The following PREX2 variants were observed in gnomAD, a reference collection of about 807,000 sequenced individuals.
PREX2 encodes phosphatidylinositol-3,4,5-trisphosphate dependent Rac exchange factor 2, also known as phosphatidylinositol 3,4,5-trisphosphate-dependent Rac exchanger 2 protein.
PREX2 carries 107 observed loss-of-function variants against 203.2 expected under a neutral mutation model. The observed-to-expected ratio is 0.53, with a 90% CI of 0.45 to 0.62. The LOEUF (loss-of-function observed/expected upper bound fraction) is 0.62, where lower values mean the gene tolerates loss of function less well. PREX2 is among the 20% of genes least tolerant of loss of function. The pLI is 0.00. For missense variants in PREX2, 1,777 were observed against 1,955.9 expected (o/e 0.91, Z 1.72); for synonymous variants, 672 against 663.6 (o/e 1.01, Z -0.19).
chr8:68,224,609 T>G lies in PREX2; in HGVS notation c.4758T>G (p.Thr1586=). 6.2e-7 allele frequency: 1 copy of G among 1,613,336 alleles called. No individual in the cohort carries two copies. Among genetic ancestry groups the G allele is most frequent in the Non-Finnish European group, 8.5e-7 (1 of 1,179,598 alleles). Reference sequence around the variant, plus strand: ...AGAATTTGGGAGTCAGAGACCGGACTCCACAGTCTGCACCAAGGTAAGTGC... The same window carrying G: ...AGAATTTGGGAGTCAGAGACCGGACGCCACAGTCTGCACCAAGGTAAGTGC... ...TAKNLGVRDR[T]PQSAPRLYKL... Residue 1586 remains threonine, a synonymous_variant, in exon 39 of 40, where the codon ACT becomes ACG. Coordinates refer to ENST00000288368, the MANE Select transcript of PREX2 (RefSeq NM_024870.4).
At position 68,191,754 on chromosome 8, in the gene PREX2, C is replaced by T; in HGVS notation, c.4379C>T (p.Pro1460Leu). The change falls in exon 36 of 40, where the codon CCA becomes CTA. Residue 1460 changes from proline (P) to leucine (L), a missense_variant. Transcript: ENST00000288368. ...AFYLDKSNSP[P>L]NSTSKAAYVD... Reference sequence around the variant, plus strand: ...TACTTGGACAAGTCAAATTCACCACCAAACTCCACATCCAAAGCTGCCTAT... The same window carrying T: ...TACTTGGACAAGTCAAATTCACCACTAAACTCCACATCCAAAGCTGCCTAT... The T allele has an allele frequency of 8.7e-6, 14 of 1,610,350 alleles. No individual in the cohort carries two copies. Among genetic ancestry groups the T allele is most frequent in the Non-Finnish European group, 1.2e-5 (14 of 1,176,774 alleles).
At chr8:68,108,416 A>G in intron 24 of PREX2, 85 bp downstream of exon 24, 1 of 870,162 alleles carries the variant, frequency 1.1e-6, no homozygotes, top group South Asian at 1.7e-5. Flanking sequence ...AATTCAATAG[A>G]TACCTGGTGT....
chr8:68,134,957 C>A (rs1335805522), intron 32 of PREX2, among the ~76,000 whole-genome samples: 1 of 152,102 alleles, frequency 6.6e-6, no homozygotes, highest in Admixed American at 6.5e-5. Context: ...TGTTTAAAAG[C>A]AAATGTGTTC....
intron 8 of PREX2, among the ~76,000 whole-genome samples, chr8:68,047,579 G>A (rs1563517070): frequency 6.7e-6 from 1 of 148,674 alleles, no homozygotes; most frequent in Non-Finnish European, 1.5e-5. Context: ...TTGAGATGGG[G>A]TGGTGGTGAG....
In PREX2 at chr8:68,235,475, A is replaced by G. The variant is rs1813248797; in HGVS notation, c.*4097A>G. ...ATATATATACTAACCAATTTGCTAA[A>G]TGAATTGTCGGTTGTCCTGCTTAAG... On this transcript the variant is annotated 3_prime_UTR_variant, in exon 40 of 40. Coordinates refer to ENST00000288368, the MANE Select transcript of PREX2 (RefSeq NM_024870.4). The G allele has an allele frequency of 6.6e-6, 1 of 152,168 alleles. No individual in the cohort carries two copies. The allele number at this position is 152,168 out of a possible 1,614,324, so 9.4% of individuals were successfully genotyped here. A position where few individuals can be genotyped will look rare whatever the true frequency, so the allele number is the denominator to read the frequency against.
At chr8:67,980,559 A>C (rs752665537) in intron 1 of PREX2, among the ~76,000 whole-genome samples, 1 of 152,226 alleles carries the variant, frequency 6.6e-6, no homozygotes, top group African/African-American at 2.4e-5. Context: ...GGGAACCTCC[A>C]TTAGAGTACT....
chr8:68,164,886 C>CTTT (rs71554623), intron 35 of PREX2, among the ~76,000 whole-genome samples: 34,578 of 133,640 alleles, frequency 0.26, 4,725 homozygotes, highest in African/African-American at 0.27. Context: ...CCGGCCAAAC[C>CTTT]TTTTTTTTTT....
chr8:68,047,476 T>TATATATATATATATACAC (rs1808389868), intron 8 of PREX2, among the ~76,000 whole-genome samples: 1 of 11,234 alleles, frequency 8.9e-5, no homozygotes, highest in African/African-American at 6.8e-4. Context: ...AATTTATATA[T>TATATATATATATATACAC]ATATATATAT....
rs781779558 is a variant in PREX2 at position 68,108,138 on chromosome 8, G to A, written c.2745G>A (p.Trp915Ter). The part of the protein sequence containing the change: ...KFSRVLKNRA[W>*]PTFKQAKSKI... ...CTCGTGTACTGAAGAATAGGGCCTG[G>A]CCTACTTTTAAACAGGCCAAATCTA... Residue 915 changes from tryptophan (W) to a stop codon, truncating the protein, a stop_gained, in exon 24 of 40, where the codon TGG (tryptophan) becomes TGA (stop). Transcript: ENST00000288368. LOFTEE classifies it high-confidence loss of function. The A allele has an allele frequency of 6.2e-7, 1 of 1,613,644 alleles. No homozygotes were observed. The highest frequency in any genetic ancestry group is 8.5e-7 in the Non-Finnish European group (1 of 1,179,784).
intron 1 of PREX2, among the ~76,000 whole-genome samples, chr8:67,963,285 G>A (rs1178959502): frequency 6.6e-6 from 1 of 152,120 alleles, no homozygotes; most frequent in African/African-American, 2.4e-5. Flanking sequence ...TTTAGAACAT[G>A]AAATGGAAGG....
rs183013697 is a variant in PREX2, at chr8:68,097,264, C to T, written c.2553+63C>T. 11 of 1,341,678 alleles carry T rather than the reference C, an allele frequency of 8.2e-6. 1 individual carries two copies. The East Asian group carries it at 2.4e-4, about 29-fold the overall frequency. The allele number at this position is 1,341,678 out of a possible 1,614,324, so 83.1% of individuals were successfully genotyped here. On this transcript the variant is annotated intron_variant, in intron 22 of 39. Transcript: ENST00000288368. The stretch of plus-strand genomic sequence containing the variant: ...AAATAAAGGAACTGAAATCCTCCCT[C>T]TCCTTCACTTAAAAAAATAAAAATA...
At position 68,090,710 on chromosome 8, in the gene PREX2, A is replaced by G. The variant is rs1485236786; in HGVS notation, c.2245A>G (p.Thr749Ala). 5.0e-6 allele frequency: 8 copies of G among 1,613,018 alleles called. No homozygotes were observed. The highest frequency in any genetic ancestry group is 4.0e-5 in the African/African-American group (3 of 74,912). ...AGCCTGCAGGAAGTACAGGCGGCCA[A>G]CGAAGGTAAGTGGCCCTTCAGATAA... ...VTACRKYRRPTKQDSIQWVYN... is the reference protein window; with the variant it reads ...VTACRKYRRPAKQDSIQWVYN... The change falls in exon 20 of 40, where the codon ACG becomes GCG. Residue 749 changes from threonine (T) to alanine (A), a missense_variant. Thr to Ala is a moderately conservative substitution (Grantham distance 58, BLOSUM62 0). Transcript: ENST00000288368.
intron 1 of PREX2, among the ~76,000 whole-genome samples, chr8:67,983,428 A>G (rs1806327558): frequency 6.6e-6 from 1 of 152,144 alleles, no homozygotes; most frequent in Non-Finnish European, 1.5e-5. Flanking sequence ...TTTTTATGCT[A>G]AGATTCTCAC....
intron 23 of PREX2, chr8:68,106,361 T>C (rs779059753): frequency 2.0e-6 from 1 of 510,820 alleles, no homozygotes; most frequent in African/African-American, 1.9e-5. Flanking sequence ...TCTTTATTAG[T>C]AAAGTGATGG....
At chr8:68,034,996 A>C (rs1277394849) in intron 6 of PREX2, among the ~76,000 whole-genome samples, 4 of 151,790 alleles carry the variant, frequency 2.6e-5, no homozygotes, top group South Asian at 2.1e-4. Flanking sequence ...AGAGGCGCAA[A>C]ATTTCAATGA....
At chr8:67,975,870 ATTT>A (rs35288660) in intron 1 of PREX2, among the ~76,000 whole-genome samples, 4 of 133,166 alleles carry the variant, frequency 3.0e-5, no homozygotes, top group Admixed American at 7.5e-5. Flanking sequence ...TGCCCGGCTA[ATTT>A]TTTTTTTTTT....
chr8:68,077,535 A>C, intron 15 of PREX2, 66 bp downstream of exon 15: 1 of 1,128,762 alleles, frequency 8.9e-7, no homozygotes, highest in South Asian at 1.2e-5. Context: ...GGATACTGCA[A>C]CACCCAGTGC....
chr8:68,111,187 C>G (rs1051432407), intron 25 of PREX2: 1 of 194,946 alleles, frequency 5.1e-6, no homozygotes, highest in African/African-American at 2.4e-5. Flanking sequence ...ATCATAGCTC[C>G]TAGGCTTCAA....
chr8:68,195,039 G>A (rs999381350), intron 37 of PREX2, among the ~76,000 whole-genome samples: 3 of 152,090 alleles, frequency 2.0e-5, no homozygotes, highest in Admixed American at 1.3e-4. Flanking sequence ...GAACCAAGGG[G>A]GTCCTTCAGA....
Sources: allele counts gnomAD v4.1 joint callset (sites outside exome capture counted in the v4.1 genomes callset), GRCh38; gene constraint gnomAD v4.1.1; transcripts MANE v1.5; gene names NCBI Gene and HGNC (gene_info 2026-07-23, HGNC 2026-07-21).